The following ROBO2 variants were observed in gnomAD, a reference collection of about 807,000 sequenced individuals.
ROBO2 encodes roundabout homolog 2.
Under a neutral mutation model 160.8 loss-of-function variants are expected in ROBO2, and 53 were observed. That is an observed-to-expected ratio of 0.33 (90% CI 0.26 to 0.41). The LOEUF (loss-of-function observed/expected upper bound fraction) is 0.41. ROBO2 is among the 10% of genes least tolerant of loss of function. The pLI is 1.00. For missense variants in ROBO2, 1,577 were observed against 1,722.4 expected, an observed-to-expected ratio of 0.92 and a Z score of 1.49; for synonymous variants, 664 against 611.7, an observed-to-expected ratio of 1.09 and a Z score of -1.26.
At chr3:77,183,604 A>G (rs2081006495) in intron 2 of ROBO2, among the ~76,000 whole-genome samples, 1 of 152,004 alleles carries the variant, frequency 6.6e-6, no homozygotes, top group Admixed American at 6.6e-5. Context: ...TTGAACTTCT[A>G]GGATCCAGAA....
At chr3:76,489,246 TAA>T (rs1421582132) in intron 2 of ROBO2, among the ~76,000 whole-genome samples, 1 of 151,812 alleles carries the variant, frequency 6.6e-6, no homozygotes, top group Non-Finnish European at 1.5e-5. Flanking sequence ...ATGTGTTTTA[TAA>T]GAGATGAGAA....
chr3:75,912,440 A>C (rs1034574347), intron 1 of ROBO2, among the ~76,000 whole-genome samples: 3 of 152,218 alleles, frequency 2.0e-5, no homozygotes, highest in Non-Finnish European at 4.4e-5. Context: ...AATTTTTTAA[A>C]ATACTGCTTT....
chr3:76,316,126 G>A (rs1027583912), intron 2 of ROBO2, among the ~76,000 whole-genome samples: 4 of 152,086 alleles, frequency 2.6e-5, no homozygotes, highest in Admixed American at 1.3e-4. Flanking sequence ...TATGTTCAGC[G>A]GTGCACGTAT....
At chr3:76,413,296 G>A (rs2075590928) in intron 2 of ROBO2, among the ~76,000 whole-genome samples, 1 of 152,184 alleles carries the variant, frequency 6.6e-6, no homozygotes, top group Admixed American at 6.5e-5. Flanking sequence ...TGGTCTTGGG[G>A]ATTAACATAT....
intron 2 of ROBO2, among the ~76,000 whole-genome samples, chr3:76,973,870 C>G (rs1017478829): frequency 6.6e-6 from 1 of 152,148 alleles, no homozygotes; most frequent in East Asian, 1.9e-4. Context: ...GGGGCTTTGA[C>G]TACATCTGAT....
chr3:77,425,415 G>T (rs1273102470), intron 2 of ROBO2, among the ~76,000 whole-genome samples: 1 of 152,144 alleles, frequency 6.6e-6, no homozygotes, highest in Non-Finnish European at 1.5e-5. Context: ...TCTTTTGGAG[G>T]TGGCCAAAGA....
At chr3:76,899,836 G>T (rs1195198471) in intron 2 of ROBO2, among the ~76,000 whole-genome samples, 3 of 152,064 alleles carry the variant, frequency 2.0e-5, no homozygotes, top group South Asian at 4.2e-4. Flanking sequence ...ATATTATGAT[G>T]CTCATAAGTA....
At chr3:76,550,970 G>C (rs1218114976) in intron 2 of ROBO2, among the ~76,000 whole-genome samples, 1 of 152,056 alleles carries the variant, frequency 6.6e-6, no homozygotes, top group African/African-American at 2.4e-5. Context: ...AGGCGGACAG[G>C]TTCCTGGGCG....
At chr3:76,557,838 A>G (rs1037244077) in intron 2 of ROBO2, among the ~76,000 whole-genome samples, 3 of 151,380 alleles carry the variant, frequency 2.0e-5, no homozygotes, top group Non-Finnish European at 3.0e-5. Flanking sequence ...TTATTATATC[A>G]TGTGCCTTCC....
At chr3:77,583,876 G>T (rs1027599128) in intron 16 of ROBO2, among the ~76,000 whole-genome samples, 1 of 152,026 alleles carries the variant, frequency 6.6e-6, no homozygotes, top group African/African-American at 2.4e-5. Flanking sequence ...GTTAGTATGG[G>T]ACTTCTTATG....
intron 22 of ROBO2, chr3:77,618,025 C>G: frequency 3.9e-6 from 2 of 508,396 alleles, no homozygotes; most frequent in Non-Finnish European, 7.1e-6. Context: ...AGAACTAAAA[C>G]TAGAACTAGA....
intron 2 of ROBO2, among the ~76,000 whole-genome samples, chr3:77,440,036 G>T (rs558946260): frequency 6.6e-6 from 1 of 152,258 alleles, no homozygotes; most frequent in East Asian, 1.9e-4. Context: ...AAATACAGAA[G>T]ATAGTTATTA....
At chr3:77,418,586 C>G (rs895572620) in intron 2 of ROBO2, among the ~76,000 whole-genome samples, 12 of 151,968 alleles carry the variant, frequency 7.9e-5, no homozygotes. Flanking sequence ...TCTTTAAGAG[C>G]CACAAAGAAA....
chr3:76,868,397 C>T (rs1400278765), intron 2 of ROBO2, among the ~76,000 whole-genome samples: 2 of 152,068 alleles, frequency 1.3e-5, no homozygotes. Flanking sequence ...GAGAATTGAC[C>T]ACAGATTGTC....
intron 2 of ROBO2, among the ~76,000 whole-genome samples, chr3:76,848,937 T>C (rs952287688): frequency 2.0e-5 from 3 of 152,276 alleles, no homozygotes; most frequent in Non-Finnish European, 4.4e-5. Context: ...TTGGCAACAA[T>C]GGATTGATAA....
intron 13 of ROBO2, among the ~76,000 whole-genome samples, chr3:77,569,071 G>T (rs996939574): frequency 2.6e-5 from 4 of 151,860 alleles, no homozygotes; most frequent in African/African-American, 9.7e-5. Flanking sequence ...ATGGATGTTC[G>T]GGTTGTTTCC....
At chr3:77,301,003 G>T (rs1222998649) in intron 2 of ROBO2, among the ~76,000 whole-genome samples, 2 of 151,596 alleles carry the variant, frequency 1.3e-5, no homozygotes, top group African/African-American at 4.9e-5. Flanking sequence ...CGAGTAGCTG[G>T]GATTACAGGC....
At position 76,158,724 on chromosome 3, in the gene ROBO2, G is replaced by A. The variant is rs147824727; in HGVS notation, c.109+221122G>A. ...TTGTCCCGCTTCCTTTCTGGAAGGT[G>A]GCAGTTTGGTGAGAAAGACTTGTAT... On this transcript the variant is annotated intron_variant, in intron 2 of 26. Coordinates refer to the ROBO2 transcript ENST00000487694. Among the ~76,000 whole-genome samples the A allele has an allele frequency of 2.4e-3, 368 of 152,180 alleles. 3 individuals are homozygous for A. Among genetic ancestry groups the A allele is most frequent in the South Asian group, 9.7e-3 (47 of 4,826 alleles).
At chr3:77,109,765 C>T (rs544395255) in intron 2 of ROBO2, among the ~76,000 whole-genome samples, 5 of 152,212 alleles carry the variant, frequency 3.3e-5, no homozygotes, top group Admixed American at 1.3e-4. Flanking sequence ...GGGATTTGAA[C>T]GCTGGCAGCC....
Sources: gnomAD v4.1 joint callset for allele counts (sites outside exome capture counted in the v4.1 genomes callset) on GRCh38, gnomAD v4.1.1 for gene constraint, MANE v1.5 for transcripts, NCBI Gene and HGNC (gene_info 2026-07-23, HGNC 2026-07-21) for gene names.